NPHP1: variants seen among roughly 807,000 people sequenced by gnomAD.
The protein encoded by NPHP1 is nephrocystin-1.
In NPHP1, 70 loss-of-function variants were observed where a neutral mutation model predicts 90.4. The observed-to-expected ratio is 0.77, with a 90% CI of 0.64 to 0.95. The LOEUF is 0.95. Ranked by LOEUF, NPHP1 falls within the 40% of genes least tolerant of loss-of-function variation. The pLI is 0.00. For missense variants in NPHP1, 764 were observed against 795.9 expected (o/e 0.96, Z 0.48); for synonymous variants, 256 against 271.7 (o/e 0.94, Z 0.57).
chr2:110,158,897 C>T (rs1401820384), intron 11 of NPHP1, among the ~76,000 whole-genome samples: 1 of 147,946 alleles, frequency 6.8e-6, no homozygotes, highest in African/African-American at 2.5e-5. Flanking sequence ...TAAGATAATG[C>T]TAGTTTTAGG....
intron 4 of NPHP1, among the ~76,000 whole-genome samples, chr2:110,171,027 G>A (rs1683096227): frequency 6.6e-6 from 1 of 152,010 alleles, no homozygotes; most frequent in Non-Finnish European, 1.5e-5. Context: ...ACTTTAGAAA[G>A]GAGACAAAGG....
chr2:110,182,863 A>C (rs1684001571), intron 2 of NPHP1, among the ~76,000 whole-genome samples: 1 of 152,168 alleles, frequency 6.6e-6, no homozygotes, highest in Non-Finnish European at 1.5e-5. Context: ...CTGGATAAAG[A>C]GTCAAGATCC....
chr2:110,183,596 A>G (rs1684065132), intron 2 of NPHP1, among the ~76,000 whole-genome samples: 1 of 151,970 alleles, frequency 6.6e-6, no homozygotes, highest in Non-Finnish European at 1.5e-5. Context: ...TAATTCCTCT[A>G]GCGCCGCTGG....
At chr2:110,166,766 T>C (rs1481557053) in intron 6 of NPHP1, among the ~76,000 whole-genome samples, 1 of 152,188 alleles carries the variant, frequency 6.6e-6, no homozygotes, top group Admixed American at 6.5e-5. Context: ...TAATCCCATG[T>C]TCTTTGCAAC....
chr2:110,178,851 T>C (rs1279162716), intron 3 of NPHP1: 1 of 240,056 alleles, frequency 4.2e-6, no homozygotes, highest in East Asian at 9.9e-5. Context: ...TTAAAGTCAA[T>C]GAGACAGGCA....
At chr2:110,125,077 G>A in intron 19 of NPHP1, 1 of 916,992 alleles carries the variant, frequency 1.1e-6, no homozygotes, top group Non-Finnish European at 1.6e-6. Context: ...TACAACACCA[G>A]AGCTGAGTAG....
chr2:110,124,697 C>A (rs190238806), intron 19 of NPHP1: 2 of 179,302 alleles, frequency 1.1e-5, no homozygotes, highest in East Asian at 2.6e-4. Context: ...CCACAGGCAG[C>A]AGAGTCTACA....
chr2:110,191,679 C>G (rs899713675), intron 2 of NPHP1, among the ~76,000 whole-genome samples: 1 of 152,168 alleles, frequency 6.6e-6, no homozygotes, highest in African/African-American at 2.4e-5. Flanking sequence ...CAGCATGCAG[C>G]TTGACATCTG....
intron 14 of NPHP1, 120 bp from the exon 15 acceptor site, chr2:110,144,689 G>T (rs1680889947): frequency 1.1e-5 from 8 of 698,314 alleles, no homozygotes; most frequent in Non-Finnish European, 2.1e-5. Context: ...TGCCTCGTTG[G>T]TAAATGAAAA....
At position 110,161,654 on chromosome 2, in the gene NPHP1, C is replaced by T. The variant is rs375386218; in HGVS notation, c.903G>A (p.Met301Ile). Residue 301 changes from methionine (M) to isoleucine (I), a missense_variant, in exon 10 of 20, where the codon ATG becomes ATA. Physicochemically the swap from Met to Ile is conservative, Grantham distance 10 (BLOSUM62 1). Coordinates refer to ENST00000445609, the MANE Select transcript of NPHP1 (RefSeq NM_001128178.3). The part of the protein sequence containing the change: ...RANYFLQPEL[M>I]PSQLAFRDLM... ...GATCTCTGAAGGCCAGTTGTGAAGG[C>T]ATGAGCTCTGGTTGTAAGAAGTAAT... The T allele has an allele frequency of 1.4e-5, 23 of 1,613,306 alleles. No individual in the cohort carries two copies. Among genetic ancestry groups the T allele is most frequent in the African/African-American group, 1.1e-4 (8 of 74,912 alleles).
At position 110,184,503 on chromosome 2, in the gene NPHP1, A is replaced by C. The variant is rs1027303429; in HGVS notation, c.144-4819T>G. ...GTAAGCTGTGCTCAGCCTTTATGCC[A>C]CAGGCAGGACCACGGGGGTGGTGCT... is the stretch of plus-strand genomic sequence containing the variant. On this transcript the variant is annotated intron_variant, in intron 2 of 19. Transcript: ENST00000445609. 25 of 1,075,476 alleles carry C rather than the reference A, an allele frequency of 2.3e-5. No homozygotes were observed. The Middle Eastern group carries it at 6.4e-4, about 28-fold the overall frequency. The allele number at this position is 1,075,476 out of a possible 1,614,324, so 66.6% of individuals were successfully genotyped here.
chr2:110,182,488 A>G (rs949898213), intron 2 of NPHP1, among the ~76,000 whole-genome samples: 4 of 152,176 alleles, frequency 2.6e-5, no homozygotes, highest in Admixed American at 2.6e-4. Flanking sequence ...ACCAATATTC[A>G]TCATTCTTAA....
chr2:110,164,490 A>C, intron 8 of NPHP1, 198 bp downstream of exon 8: 1 of 1,125,714 alleles, frequency 8.9e-7, no homozygotes. Context: ...TTTTGTACAA[A>C]AAAAAAAAAA....
chr2:110,153,814 T>G (rs1296810728), intron 11 of NPHP1, among the ~76,000 whole-genome samples: 1 of 152,090 alleles, frequency 6.6e-6, no homozygotes, highest in African/African-American at 2.4e-5. Flanking sequence ...AAACCCCATC[T>G]CTACTAAAAA....
chr2:110,155,393 C>T (rs2104524781), intron 11 of NPHP1, among the ~76,000 whole-genome samples: 1 of 152,246 alleles, frequency 6.6e-6, no homozygotes, highest in South Asian at 2.1e-4. Context: ...TCCTGGGGCA[C>T]CACCTAGTGG....
chr2:110,201,642 C>T (rs1685585159), intron 1 of NPHP1, 148 bp from the exon 2 acceptor site: 1 of 629,292 alleles, frequency 1.6e-6, no homozygotes, highest in African/African-American at 1.8e-5. Flanking sequence ...CATATACCCG[C>T]TACCTAGAAA....
chr2:110,177,956 G>T (rs533080112), intron 4 of NPHP1: 16 of 183,826 alleles, frequency 8.7e-5, no homozygotes, highest in Admixed American at 3.5e-4. Context: ...GCCCAGGCTG[G>T]TCTTGAACTC....
chr2:110,152,926 CA>C (rs1279752233), intron 11 of NPHP1, among the ~76,000 whole-genome samples: 1 of 151,644 alleles, frequency 6.6e-6, no homozygotes, highest in East Asian at 1.9e-4. Flanking sequence ...AAAAAATCCC[CA>C]AATTTGACAA....
chr2:110,173,429 T>C (rs115046210), intron 4 of NPHP1, among the ~76,000 whole-genome samples: 1,557 of 152,300 alleles, frequency 0.01, 24 homozygotes, highest in African/African-American at 0.036. Flanking sequence ...ACATAATACA[T>C]ACTTAGGTGC....
Sources: allele counts gnomAD v4.1 joint callset (sites outside exome capture counted in the v4.1 genomes callset), GRCh38; gene constraint gnomAD v4.1.1; transcripts MANE v1.5; gene names NCBI Gene and HGNC (gene_info 2026-07-23, HGNC 2026-07-21).